Variants in PCNT observed in about 807,000 individuals in gnomAD.
The protein encoded by PCNT is pericentrin.
Under a neutral mutation model 380.4 loss-of-function variants are expected in PCNT, and 319 were observed. That is an observed-to-expected ratio of 0.84 (90% confidence interval 0.77 to 0.92). The LOEUF (loss-of-function observed/expected upper bound fraction) is 0.92, where lower values mean the gene tolerates loss of function less well. Ranked by LOEUF, PCNT falls within the 40% of genes least tolerant of loss-of-function variation. The pLI, the probability that PCNT is intolerant of heterozygous loss-of-function variation, is 0.00. For missense variants in PCNT, 4,400 were observed against 4,255.3 expected (o/e 1.03, Z -0.95); for synonymous variants, 1,845 against 1,735.2 (o/e 1.06, Z -1.57).
rs1268654046 is a variant in PCNT at position 46,432,649 on chromosome 21, GGGTCTGGCTCTGTCACCCA to G, written c.8751+437_8751+455del. ...ATTTAATTAGGATTTTTTTGAGATA[GGGTCTGGCTCTGTCACCCA>G]GGCTGGAGTGCAGTGATGTGATCTC... On this transcript the variant is annotated intron_variant, in intron 38 of 46. Coordinates refer to ENST00000359568, the MANE Select transcript of PCNT (RefSeq NM_006031.6). 7.2e-5 allele frequency among the ~76,000 whole-genome samples: 11 copies of G among 152,262 alleles called. No individual in the cohort carries two copies. In the East Asian group the frequency reaches 1.7e-3, roughly 24 times the overall value.
At chr21:46,343,414 T>A (rs2083965363) in intron 3 of PCNT, among the ~76,000 whole-genome samples, 1 of 151,488 alleles carries the variant, frequency 6.6e-6, no homozygotes, top group African/African-American at 2.4e-5. Context: ...TTTTTAATGC[T>A]GTTTATGGGG....
At chr21:46,331,771 A>G (rs887267381) in intron 2 of PCNT, among the ~76,000 whole-genome samples, 2 of 152,162 alleles carry the variant, frequency 1.3e-5, no homozygotes, top group Non-Finnish European at 2.9e-5. Context: ...GTCTCAAAAA[A>G]AAAAAAATCA....
chr21:46,435,078 G>A (rs1042466525), intron 38 of PCNT, among the ~76,000 whole-genome samples: 3 of 152,204 alleles, frequency 2.0e-5, no homozygotes, highest in Non-Finnish European at 4.4e-5. Context: ...AGCACAGCAC[G>A]AGGGTGTGCA....
At chr21:46,349,919 T>C (rs2084205153) in intron 8 of PCNT, 99 bp downstream of exon 8, 1 of 1,199,282 alleles carries the variant, frequency 8.3e-7, no homozygotes, top group Admixed American at 1.8e-5. Flanking sequence ...TGCTAAAACT[T>C]AAGTTCTAAA....
intron 15 of PCNT, among the ~76,000 whole-genome samples, chr21:46,380,145 A>ATTTTTTTTTTTTTTTTTTTTT (rs552854585): frequency 1.7e-5 from 1 of 59,686 alleles, no homozygotes; most frequent in African/African-American, 7.9e-5. Flanking sequence ...CCTGGGGTAG[A>ATTTTTTTTTTTTTTTTTTTTT]TTTTTTTTTT....
chr21:46,421,824 A>G (rs964075296), intron 31 of PCNT, 146 bp from the exon 32 acceptor site: 2 of 895,024 alleles, frequency 2.2e-6, no homozygotes, highest in Non-Finnish European at 3.5e-6. Context: ...TTTTGGGGCC[A>G]TCAGTGTTTT....
rs2087782407 is a variant in PCNT, at chr21:46,431,966, G to C, written c.8502G>C (p.Arg2834Ser). Residue 2834 changes from arginine (R) to serine (S), a missense_variant, in exon 38 of 47, where the codon AGG (arginine) becomes AGC (serine). Arg to Ser is a moderately radical substitution (Grantham distance 110). Transcript: ENST00000359568. ...AEAQKHCEAL[R>S]REKEVSATLK... The stretch of plus-strand genomic sequence containing the variant: ...CTCAGAAGCACTGTGAGGCGCTCAG[G>C]AGAGAGAAGGAGGTAAGTGCCACAC... The C allele has an allele frequency of 6.2e-7, 1 of 1,614,008 alleles. No individual in the cohort carries two copies. Among genetic ancestry groups the C allele is most frequent in the Non-Finnish European group, 8.5e-7 (1 of 1,180,038 alleles).
At chr21:46,365,856 GTTCACTGCCGTGGGGTTCTA>G (rs1292651043) in intron 14 of PCNT, among the ~76,000 whole-genome samples, 17 of 100,834 alleles carry the variant, frequency 1.7e-4, no homozygotes, top group Non-Finnish European at 2.7e-4. Context: ...ACAGGGTTCT[GTTCACTGCCGTGGGGTTCTA>G]TTCACTCACT....
rs533268652 is a variant in PCNT at position 46,371,220 on chromosome 21, T to C, written c.3165+4081T>C. ...TGGTTTATTTTCTTTCTTTCTTTTT[T>C]TTTTTTTTTTTTTAAAGACGGAGTC... On this transcript the variant is annotated intron_variant, in intron 15 of 46. Transcript: ENST00000359568. Among the ~76,000 whole-genome samples the C allele has an allele frequency of 2.1e-3, 311 of 150,294 alleles. 4 individuals carry two copies. The highest frequency in any genetic ancestry group is 7.3e-3 in the African/African-American group (299 of 41,212).
intron 30 of PCNT, 83 bp from the exon 31 acceptor site, chr21:46,418,121 C>T: frequency 1.2e-6 from 1 of 811,280 alleles, no homozygotes; most frequent in Non-Finnish European, 2.1e-6. Flanking sequence ...TAAATTCAGG[C>T]CTTTGAAAGT....
At chr21:46,362,220 C>A (rs1454794910) in intron 13 of PCNT, among the ~76,000 whole-genome samples, 2 of 152,164 alleles carry the variant, frequency 1.3e-5, no homozygotes, top group Non-Finnish European at 2.9e-5. Context: ...GAGACGTGGG[C>A]GGGTTCCTTC....
intron 13 of PCNT, among the ~76,000 whole-genome samples, chr21:46,360,659 C>T (rs1362613418): frequency 2.0e-5 from 3 of 151,974 alleles, no homozygotes; most frequent in African/African-American, 4.8e-5. Context: ...GCTGGGACTA[C>T]AGGCGTCCGC....
At chr21:46,397,602 G>T in intron 22 of PCNT, 108 bp downstream of exon 22, 1 of 931,830 alleles carries the variant, frequency 1.1e-6, no homozygotes, top group East Asian at 2.6e-5. Flanking sequence ...TGTTGAAGAG[G>T]GCGCCCCACA....
chr21:46,417,726 C>T (rs1290934943), intron 30 of PCNT, among the ~76,000 whole-genome samples: 3 of 151,728 alleles, frequency 2.0e-5, no homozygotes, highest in Non-Finnish European at 4.4e-5. Flanking sequence ...CACGGTGAGA[C>T]CCTGTCTCTA....
chr21:46,333,972 C>T (rs1048751365), intron 2 of PCNT, among the ~76,000 whole-genome samples: 7 of 152,086 alleles, frequency 4.6e-5, no homozygotes, highest in Non-Finnish European at 7.4e-5. Flanking sequence ...TTTGGGAGGC[C>T]AAGGCGGGCG....
chr21:46,431,240 G>T (rs909869616), intron 37 of PCNT: 9 of 1,279,990 alleles, frequency 7.0e-6, no homozygotes, highest in Non-Finnish European at 8.9e-6. Context: ...TGGAGAGGGG[G>T]CGGGCAGGGG....
Position 46,388,862 on chromosome 21 carries a change from C to A in PCNT, c.3585C>A (p.Gly1195=), listed in dbSNP as rs776245853. 25 of 1,607,344 alleles carry A rather than the reference C, an allele frequency of 1.6e-5. No individual in the cohort carries two copies. In the South Asian group the frequency reaches 2.8e-4, roughly 18 times the overall value. The stretch of plus-strand genomic sequence containing the variant: ...TGGGGCTCTGCCTGGATGACGCGGG[C>A]GCAGGCCTGGCCCTGTCGACAGGTG... ...ERVGLCLDDA[G]AGLALSTAPA... Residue 1195 remains glycine, a synonymous_variant, in exon 18 of 47, where the codon GGC becomes GGA. Transcript: ENST00000359568. This position sits in a 1 kb window ranked among gnomAD's most constrained non-coding sequence, Gnocchi z 4.2.
At chr21:46,362,186 G>A (rs956051499) in intron 13 of PCNT, among the ~76,000 whole-genome samples, 5 of 151,808 alleles carry the variant, frequency 3.3e-5, no homozygotes, top group East Asian at 3.9e-4. Flanking sequence ...TCTGCCCCTC[G>A]TATGTACAGA....
chr21:46,415,966 C>CCT lies in PCNT; in HGVS notation c.6151-103_6151-102insCT, dbSNP rs3058055. The CCT allele has an allele frequency of 0.095, 101,663 of 1,075,204 alleles. 9,283 individuals carry two copies. Among genetic ancestry groups the CCT allele is most frequent in the African/African-American group, 0.44 (27,927 of 63,886 alleles). 66.6% of individuals were successfully genotyped at this position (1,075,204 alleles called of 1,614,324 possible). A position where few individuals can be genotyped will look rare whatever the true frequency, so the allele number is the denominator to read the frequency against. ...GTGCAGGGCTCATTGTGGAATCACC[C>CCT]GAGTGCTCCGAAACTCCCTGAAATC... On this transcript the variant is annotated intron_variant, in intron 29 of 46. Transcript: ENST00000359568.
Sources: allele counts gnomAD v4.1 joint callset (sites outside exome capture counted in the v4.1 genomes callset), GRCh38; gene constraint gnomAD v4.1.1; non-coding constraint Gnocchi (gnomAD v3.1); transcripts MANE v1.5; gene names NCBI Gene and HGNC (gene_info 2026-07-23, HGNC 2026-07-21).